NRG3: variants seen among roughly 807,000 people sequenced by gnomAD.
The protein encoded by NRG3 is neuregulin 3, also known as pro-neuregulin-3, membrane-bound isoform.
In NRG3, 31 loss-of-function variants were observed where a neutral mutation model predicts 66.9. The observed-to-expected ratio is 0.46, with a 90% confidence interval of 0.35 to 0.63. The LOEUF is 0.63. Among genes scored for constraint, NRG3 ranks in the 20% least tolerant of loss-of-function variants. The pLI is 0.00. For missense variants in NRG3, 910 were observed against 878.9 expected (o/e 1.04, Z -0.45); for synonymous variants, 393 against 359.4 (o/e 1.09, Z -1.06).
At chr10:82,785,344 T>C (rs1243305574) in intron 3 of NRG3, among the ~76,000 whole-genome samples, 6 of 151,170 alleles carry the variant, frequency 4.0e-5, no homozygotes, top group African/African-American at 1.5e-4. Flanking sequence ...CCCTAAAACT[T>C]AAAGTATAAT....
chr10:81,947,287 G>T (rs1204680015), intron 1 of NRG3, among the ~76,000 whole-genome samples: 1 of 152,050 alleles, frequency 6.6e-6, no homozygotes, highest in East Asian at 1.9e-4. Context: ...GCCCACTCCA[G>T]CAACCTCATT....
chr10:82,516,164 G>A (rs1054693038), intron 2 of NRG3, among the ~76,000 whole-genome samples: 22 of 152,002 alleles, frequency 1.4e-4, no homozygotes, highest in Non-Finnish European at 2.4e-4. Flanking sequence ...GTGTGTATGT[G>A]TGTGTATGTG....
chr10:82,024,264 G>A (rs2062193084), intron 1 of NRG3, among the ~76,000 whole-genome samples: 1 of 151,804 alleles, frequency 6.6e-6, no homozygotes, highest in African/African-American at 2.4e-5. Context: ...CTAAGGGTTT[G>A]TTGATTTTGT....
At chr10:82,339,642 A>T (rs1425037202) in intron 1 of NRG3, among the ~76,000 whole-genome samples, 1 of 152,170 alleles carries the variant, frequency 6.6e-6, no homozygotes, top group Admixed American at 6.5e-5. Context: ...CTGTTTAAAA[A>T]TTTTTAAATT....
intron 2 of NRG3, among the ~76,000 whole-genome samples, chr10:82,631,618 A>G (rs1234969221): frequency 1.4e-5 from 2 of 144,652 alleles, no homozygotes; most frequent in Non-Finnish European, 3.0e-5. Flanking sequence ...TCTTTGTAAT[A>G]GCTAACGCTG....
At chr10:82,304,319 C>G (rs1417434864) in intron 1 of NRG3, among the ~76,000 whole-genome samples, 1 of 152,016 alleles carries the variant, frequency 6.6e-6, no homozygotes, top group African/African-American at 2.4e-5. Flanking sequence ...ATTTCTTAGC[C>G]CATATATTTT....
At chr10:81,897,097 A>G (rs922782291) in intron 1 of NRG3, among the ~76,000 whole-genome samples, 2 of 152,170 alleles carry the variant, frequency 1.3e-5, no homozygotes, top group African/African-American at 4.8e-5. Flanking sequence ...AAACGGCAAT[A>G]CCTGAAACAG....
intron 3 of NRG3, among the ~76,000 whole-genome samples, chr10:82,806,704 T>A (rs1288462378): frequency 1.3e-5 from 2 of 152,122 alleles, no homozygotes; most frequent in South Asian, 2.1e-4. Context: ...AAGAGAATAA[T>A]TTAGGAGTGA....
At chr10:82,514,221 GT>G (rs1845451501) in intron 2 of NRG3, among the ~76,000 whole-genome samples, 1 of 152,026 alleles carries the variant, frequency 6.6e-6, no homozygotes, top group Admixed American at 6.5e-5. Flanking sequence ...TTTTGCCCTT[GT>G]TGCAATTGCT....
At chr10:82,199,157 G>C (rs1441053242) in intron 1 of NRG3, among the ~76,000 whole-genome samples, 3 of 144,586 alleles carry the variant, frequency 2.1e-5, no homozygotes, top group Non-Finnish European at 4.5e-5. Flanking sequence ...GGGTGACAGA[G>C]TGAGACTCTG....
chr10:82,608,895 C>G (rs573004875), intron 2 of NRG3, among the ~76,000 whole-genome samples: 60 of 152,266 alleles, frequency 3.9e-4, no homozygotes, highest in African/African-American at 1.4e-3. Context: ...CACCCCTCCC[C>G]CTCAGGACTG....
At chr10:82,902,483 G>A (rs913340550) in intron 4 of NRG3, among the ~76,000 whole-genome samples, 2 of 151,918 alleles carry the variant, frequency 1.3e-5, no homozygotes, top group Non-Finnish European at 2.9e-5. Flanking sequence ...TCAGGGCCAC[G>A]TGGTCTTAGC....
intron 2 of NRG3, among the ~76,000 whole-genome samples, chr10:82,454,103 T>A (rs1464882673): frequency 6.6e-6 from 1 of 152,188 alleles, no homozygotes; most frequent in Non-Finnish European, 1.5e-5. Flanking sequence ...CTCTTTCATA[T>A]CTGTGCCCAG....
intron 4 of NRG3, among the ~76,000 whole-genome samples, chr10:82,886,572 A>G (rs936575574): frequency 5.9e-5 from 9 of 152,188 alleles, no homozygotes; most frequent in African/African-American, 2.2e-4. Flanking sequence ...GGAGCTTAGT[A>G]TTGTCAGTGC....
At chr10:82,581,572 T>A (rs1425802497) in intron 2 of NRG3, among the ~76,000 whole-genome samples, 1 of 152,002 alleles carries the variant, frequency 6.6e-6, no homozygotes, top group African/African-American at 2.4e-5. Flanking sequence ...TGTGTGGGGA[T>A]GAGGAGAATG....
chr10:82,446,448 C>T (rs913453918), intron 2 of NRG3, among the ~76,000 whole-genome samples: 3 of 152,116 alleles, frequency 2.0e-5, no homozygotes, highest in African/African-American at 4.8e-5. Flanking sequence ...TGGAATACTA[C>T]ACAGCCATAA....
intron 6 of NRG3, among the ~76,000 whole-genome samples, chr10:82,972,685 T>A (rs1200430426): frequency 1.3e-5 from 2 of 152,184 alleles, no homozygotes; most frequent in Non-Finnish European, 2.9e-5. Flanking sequence ...AGTATCATCT[T>A]AATTATTGTA....
chr10:82,057,968 C>G (rs554499257), intron 1 of NRG3, among the ~76,000 whole-genome samples: 2 of 59,432 alleles, frequency 3.4e-5, no homozygotes, highest in South Asian at 7.0e-4. Context: ...CTCTTTCTTT[C>G]CTTTCTTTTT....
At chr10:82,808,507 GATA>G (rs1475811329) in intron 3 of NRG3, among the ~76,000 whole-genome samples, 2 of 151,874 alleles carry the variant, frequency 1.3e-5, no homozygotes, top group Non-Finnish European at 2.9e-5. Flanking sequence ...ATATTTTTAT[GATA>G]ATATAAATGT....
Sources: allele counts gnomAD v4.1 joint callset (sites outside exome capture counted in the v4.1 genomes callset), GRCh38; gene constraint gnomAD v4.1.1; transcripts MANE v1.5; gene names NCBI Gene and HGNC (gene_info 2026-07-23, HGNC 2026-07-21).